Variants in CAMTA2 observed in about 807,000 individuals in gnomAD.
The protein encoded by CAMTA2 is calmodulin binding transcription activator 2, also known as calmodulin-binding transcription activator 2.
Under a neutral mutation model 135.7 loss-of-function variants are expected in CAMTA2, and 56 were observed. The observed-to-expected ratio is 0.41, with a 90% CI of 0.33 to 0.52. CAMTA2 has a LOEUF of 0.52. CAMTA2 is among the 20% of genes least tolerant of loss of function. The pLI, the probability that CAMTA2 is intolerant of heterozygous loss-of-function variation, is 0.16. For synonymous variants in CAMTA2, 591 were observed against 604.6 expected (o/e 0.98, Z 0.33); for missense variants, 1,358 against 1,553.4 (o/e 0.87, Z 2.11).
Position 4,969,490 on chromosome 17 carries a change from T to A in CAMTA2, c.3282+10A>T. ...TCACAGACCTCACACTCAGAGCTCA[T>A]GCCTAATACCTTAAGTGCAATCCAG... On this transcript the variant is annotated intron_variant, in intron 20 of 22. Transcript: ENST00000348066. This position sits in a 1 kb window ranked among gnomAD's most constrained non-coding sequence, Gnocchi z 5.6. 1 of 1,614,070 alleles carries A rather than the reference T, an allele frequency of 6.2e-7. No individual in the cohort carries two copies. Among genetic ancestry groups the A allele is most frequent in the Non-Finnish European group, 8.5e-7 (1 of 1,179,912 alleles).
At chr17:4,981,066 C>G (rs1157576195) in intron 8 of CAMTA2, among the ~76,000 whole-genome samples, 159 bp downstream of exon 8, 1 of 152,170 alleles carries the variant, frequency 6.6e-6, no homozygotes, top group Non-Finnish European at 1.5e-5. Flanking sequence ...CCAGTGTGCA[C>G]CCAGATGGGA....
chr17:4,968,474 G>A lies in CAMTA2; in HGVS notation c.*282C>T. 1 of 557,062 alleles carries A rather than the reference G, an allele frequency of 1.8e-6. No individual in the cohort carries two copies. The highest frequency in any genetic ancestry group is 3.2e-5 in the Admixed American group (1 of 31,624). 34.5% of individuals were successfully genotyped at this position (557,062 alleles called of 1,614,324 possible). A position where few individuals can be genotyped will look rare whatever the true frequency, so the allele number is the denominator to read the frequency against. On this transcript the variant is annotated 3_prime_UTR_variant, in exon 23 of 23. Coordinates refer to ENST00000348066, the MANE Select transcript of CAMTA2 (RefSeq NM_015099.4). ...AGTCGGGTGCAGGCAGGAGGAGCTG[G>A]GGAGCAGGGGCAGGCAGGGCTCCGG...
At position 4,968,383 on chromosome 17, in the gene CAMTA2, G is replaced by A; in HGVS notation, c.*373C>T. ...GGCGTGCGCAGCGAAGGCAGTGGTG[G>A]GAACCGAGGCGGATACATTCAGAGA... On this transcript the variant is annotated 3_prime_UTR_variant, in exon 23 of 23. Coordinates refer to ENST00000348066, the MANE Select transcript of CAMTA2 (RefSeq NM_015099.4). 2.7e-6 allele frequency: 1 copy of A among 365,530 alleles called. No homozygotes were observed. Among genetic ancestry groups the A allele is most frequent in the Non-Finnish European group, 5.1e-6 (1 of 195,258 alleles). The allele number at this position is 365,530 out of a possible 1,614,324, so 22.6% of individuals were successfully genotyped here.
rs1488709411 is a variant in CAMTA2, at chr17:4,987,433, C to T, written c.-65+160G>A. On this transcript the variant is annotated intron_variant, in intron 1 of 22. Transcript: ENST00000348066. ...GTCCGCCGTGGGGCCCTGCGGTGAG[C>T]GGCGCCCCCTGGCGCGGGGGAGGAG... The T allele has an allele frequency of 2.9e-6, 4 of 1,384,238 alleles. No homozygotes were observed. In the African/African-American group the frequency reaches 4.6e-5, roughly 16 times the overall value. The allele number at this position is 1,384,238 out of a possible 1,614,324, so 85.7% of individuals were successfully genotyped here.
chr17:4,983,035 T>G lies in CAMTA2; in HGVS notation c.144A>C (p.Ala48=), dbSNP rs958410449. Residue 48 remains alanine, a synonymous_variant, in exon 4 of 23, where the codon GCA becomes GCC. Coordinates refer to ENST00000348066, the MANE Select transcript of CAMTA2 (RefSeq NM_015099.4). ...RLRWNTNEEI[A]SYLITFEKHD... ...GCTTCTCAAAGGTGATCAGGTAGGA[T>G]GCAATCTCCTGTAGGAGAGGAGGCA... 2 of 1,613,758 alleles carry G rather than the reference T, an allele frequency of 1.2e-6. No homozygotes were observed. The highest frequency in any genetic ancestry group is 2.7e-5 in the African/African-American group (2 of 74,882).
intron 3 of CAMTA2, among the ~76,000 whole-genome samples, chr17:4,984,747 G>A (rs377026516): frequency 9.9e-5 from 15 of 152,270 alleles, no homozygotes; most frequent in Non-Finnish European, 1.3e-4. Flanking sequence ...CCAGCCGGGC[G>A]TGGTGGCTCA....
intron 16 of CAMTA2, 117 bp from the exon 17 acceptor site, chr17:4,970,653 T>C (rs1370033406): frequency 2.4e-6 from 2 of 823,498 alleles, no homozygotes; most frequent in Admixed American, 2.1e-5. Flanking sequence ...CCTGTCTTTC[T>C]GGGCCACTGT....
chr17:4,968,284 A>C lies in CAMTA2; in HGVS notation c.*472T>G. The stretch of plus-strand genomic sequence containing the variant: ...CCAGAGTCGGGTGATGGGGTAAGAC[A>C]GGGCCAGAGAGGGAGGAAACAGACG... On this transcript the variant is annotated 3_prime_UTR_variant, in exon 23 of 23. Transcript: ENST00000348066. 3.7e-6 allele frequency: 1 copy of C among 269,562 alleles called. No homozygotes were observed. The highest frequency in any genetic ancestry group is 7.2e-6 in the Non-Finnish European group (1 of 137,970). 16.7% of individuals were successfully genotyped at this position (269,562 alleles called of 1,614,324 possible).
intron 9 of CAMTA2, 56 bp downstream of exon 9, chr17:4,979,628 T>C: frequency 7.9e-7 from 1 of 1,273,558 alleles, no homozygotes; most frequent in South Asian, 1.3e-5. Context: ...CAATTTGTTT[T>C]GGGGAGTCAG....
chr17:4,985,910 A>G lies in CAMTA2; in HGVS notation c.105T>C (p.Pro35=). Residue 35 remains proline, a synonymous_variant, in exon 3 of 23, where the codon CCT becomes CCC. Coordinates refer to ENST00000348066, the MANE Select transcript of CAMTA2 (RefSeq NM_015099.4). ...LECLPRCPLL[P]PERLRWNTNE... The stretch of plus-strand genomic sequence containing the variant: ...TTGTATTCCACCGTAGCCTCTCTGG[A>G]GGCAGCAGCGGGCAGCGAGGAAGAC... The G allele has an allele frequency of 1.2e-6, 2 of 1,613,812 alleles. No homozygotes were observed. The highest frequency in any genetic ancestry group is 1.7e-6 in the Non-Finnish European group (2 of 1,179,778).
At chr17:4,983,850 C>T (rs1973107883) in intron 3 of CAMTA2, 2 of 152,226 alleles carry the variant, frequency 1.3e-5, no homozygotes, top group South Asian at 4.1e-4. Flanking sequence ...TCTCAAAGTG[C>T]TGGGATTACA....
intron 10 of CAMTA2, among the ~76,000 whole-genome samples, 172 bp downstream of exon 10, chr17:4,978,332 G>C (rs1972744260): frequency 1.3e-5 from 2 of 152,200 alleles, no homozygotes; most frequent in South Asian, 4.1e-4. Flanking sequence ...ACCTAAGTCT[G>C]GGCTCTTCTG....
chr17:4,979,508 CAAAAAAAAAA>C (rs5819002), intron 9 of CAMTA2, 166 bp downstream of exon 9: 6 of 206,118 alleles, frequency 2.9e-5, no homozygotes, highest in African/African-American at 1.2e-4. Flanking sequence ...GAAACTGTCT[CAAAAAAAAAA>C]AAAAAAAAAA....
At chr17:4,982,515 C>G (rs1973018280) in intron 5 of CAMTA2, among the ~76,000 whole-genome samples, 1 of 152,196 alleles carries the variant, frequency 6.6e-6, no homozygotes. Flanking sequence ...AGTGAGGGGC[C>G]TGGGCATCAG....
chr17:4,983,290 T>C, intron 3 of CAMTA2: 1 of 426,168 alleles, frequency 2.3e-6, no homozygotes, highest in Non-Finnish European at 4.3e-6. Context: ...TGCCCCTTTT[T>C]TTTTCTTTTG....
At chr17:4,981,488 G>T in intron 7 of CAMTA2, 129 bp from the exon 8 acceptor site, 1 of 1,360,204 alleles carries the variant, frequency 7.4e-7, no homozygotes, top group Non-Finnish European at 1.0e-6. Flanking sequence ...GCAGCCTCAA[G>T]ACTGCTCAGA....
In CAMTA2 at chr17:4,987,584, GGCTCTTACCTCCCGGGGTCCC is replaced by G; in HGVS notation, c.-77_-65+8del. ...GGCGGAGAGGCGGGCGAGAGGCCCT[GGCTCTTACCTCCCGGGGTCCC>G]GCGGGTGACGGCGGCAGCGGCCATT... On this transcript the variant is annotated splice_donor_variant and splice_donor_5th_base_variant and 5_prime_UTR_variant and intron_variant, in exon 1 of 23. Coordinates refer to ENST00000348066, the MANE Select transcript of CAMTA2 (RefSeq NM_015099.4). LOFTEE classifies it low-confidence loss of function (5UTR_SPLICE). 1 of 1,525,328 alleles carries G rather than the reference GGCTCTTACCTCCCGGGGTCCC, an allele frequency of 6.6e-7. No homozygotes were observed. The highest frequency in any genetic ancestry group is 8.8e-7 in the Non-Finnish European group (1 of 1,141,962). 94.5% of individuals were successfully genotyped at this position (1,525,328 alleles called of 1,614,324 possible). A position where few individuals can be genotyped will look rare whatever the true frequency, so the allele number is the denominator to read the frequency against.
chr17:4,968,762 G>T lies in CAMTA2; in HGVS notation c.3603C>A (p.Ala1201=). The change falls in exon 23 of 23, where the codon GCC becomes GCA. Residue 1201 remains alanine (A), a synonymous_variant. Transcript: ENST00000348066. ...GAGAAAGGCGGTGGCCAGGTCATGT[G>T]GCCAGTCCCGGCTGGGGAAGCCCTT... ...ELEGLPQPGL[A]T The T allele has an allele frequency of 6.2e-7, 1 of 1,614,108 alleles. No individual in the cohort carries two copies. Among genetic ancestry groups the T allele is most frequent in the Non-Finnish European group, 8.5e-7 (1 of 1,180,028 alleles).
chr17:4,972,974 C>T lies in CAMTA2; in HGVS notation c.2298G>A (p.Leu766=). The T allele has an allele frequency of 1.2e-6, 2 of 1,612,930 alleles. No individual in the cohort carries two copies. Among genetic ancestry groups the T allele is most frequent in the Non-Finnish European group, 1.7e-6 (2 of 1,179,826 alleles). The change falls in exon 15 of 23, where the codon CTG becomes CTA. Residue 766 remains leucine, a synonymous_variant. Transcript: ENST00000348066. ...SCTPLMWACA[L]GHLEAAVLLF... ...GGAGCACAGCAGCTTCCAGGTGTCC[C>T]AGGGCACAAGCCCACATCTGAGGAA... is the stretch of plus-strand genomic sequence containing the variant.
Sources: gnomAD v4.1 joint callset for allele counts (sites outside exome capture counted in the v4.1 genomes callset) on GRCh38, gnomAD v4.1.1 for gene constraint, Gnocchi (gnomAD v3.1) non-coding constraint, MANE v1.5 for transcripts, NCBI Gene and HGNC (gene_info 2026-07-23, HGNC 2026-07-21) for gene names.